MDGA2: variants seen among roughly 807,000 people sequenced by gnomAD.
MDGA2 encodes MAM domain-containing glycosylphosphatidylinositol anchor protein 2.
In MDGA2, 40 loss-of-function variants were observed where a neutral mutation model predicts 117.8. The ratio of observed to expected loss-of-function variants is 0.34; its 90% CI spans 0.26 to 0.44. The LOEUF (loss-of-function observed/expected upper bound fraction) is 0.44. Among genes scored for constraint, MDGA2 ranks in the 20% least tolerant of loss-of-function variants. The pLI is 1.00. For synonymous variants in MDGA2, 452 were observed against 439.0 expected, an observed-to-expected ratio of 1.03 and a Z score of -0.37; for missense variants, 1,123 against 1,250.6, an observed-to-expected ratio of 0.90 and a Z score of 1.54.
chr14:47,317,459 T>C (rs776971847), intron 1 of MDGA2, among the ~76,000 whole-genome samples: 1 of 152,138 alleles, frequency 6.6e-6, no homozygotes, highest in Non-Finnish European at 1.5e-5. Flanking sequence ...AATTATTTTG[T>C]ATCTTCTTGA....
intron 1 of MDGA2, among the ~76,000 whole-genome samples, chr14:47,481,496 T>C (rs1027953975): frequency 3.3e-5 from 5 of 152,014 alleles, no homozygotes; most frequent in African/African-American, 9.7e-5. Flanking sequence ...TAATGTAATG[T>C]TTCTCTGTGT....
intron 10 of MDGA2, among the ~76,000 whole-genome samples, chr14:46,896,992 T>C (rs965422536): frequency 5.3e-5 from 8 of 152,156 alleles, no homozygotes; most frequent in African/African-American, 1.9e-4. Flanking sequence ...ACTATTGAAA[T>C]AGTGATATAT....
At chr14:47,457,085 A>G (rs1893370681) in intron 1 of MDGA2, among the ~76,000 whole-genome samples, 1 of 152,188 alleles carries the variant, frequency 6.6e-6, no homozygotes, top group Non-Finnish European at 1.5e-5. Flanking sequence ...CAACACACAC[A>G]GTCAAAAGGT....
At chr14:47,124,767 TTC>T (rs1566638296) in intron 5 of MDGA2, among the ~76,000 whole-genome samples, 1 of 151,978 alleles carries the variant, frequency 6.6e-6, no homozygotes, top group Non-Finnish European at 1.5e-5. Context: ...CACTAGAGCT[TTC>T]TCTCTTTCCC....
chr14:46,991,536 T>C (rs916702979), intron 8 of MDGA2, among the ~76,000 whole-genome samples: 4 of 152,078 alleles, frequency 2.6e-5, no homozygotes, highest in Non-Finnish European at 5.9e-5. Flanking sequence ...TTTAAATTAT[T>C]TGGAAATTTT....
chr14:47,038,444 T>A (rs1888938225), intron 7 of MDGA2, among the ~76,000 whole-genome samples: 1 of 152,190 alleles, frequency 6.6e-6, no homozygotes, highest in African/African-American at 2.4e-5. Flanking sequence ...TTAAATGTTA[T>A]CATGCTAAAT....
intron 1 of MDGA2, among the ~76,000 whole-genome samples, chr14:47,306,842 G>GGAGA (rs10629208): frequency 0.015 from 2,169 of 146,680 alleles, 34 homozygotes; most frequent in South Asian, 0.052. Context: ...AGAGAAAGAG[G>GGAGA]GAGAGAGAGA....
At chr14:47,639,275 A>G (rs560003827) in intron 1 of MDGA2, among the ~76,000 whole-genome samples, 1 of 152,166 alleles carries the variant, frequency 6.6e-6, no homozygotes, top group Non-Finnish European at 1.5e-5. Flanking sequence ...ATCTTTTGAA[A>G]ATGTCATTTG....
intron 2 of MDGA2, among the ~76,000 whole-genome samples, chr14:47,228,584 T>C (rs61995427): frequency 0.26 from 39,301 of 152,054 alleles, 5,599 homozygotes; most frequent in Admixed American, 0.33. Flanking sequence ...TAAGCTAAGC[T>C]ACGATGTTCA....
intron 1 of MDGA2, among the ~76,000 whole-genome samples, chr14:47,427,341 G>A (rs779695155): frequency 6.6e-6 from 1 of 152,116 alleles, no homozygotes; most frequent in South Asian, 2.1e-4. Context: ...AATAGCAAGA[G>A]AGAACTGAGA....
chr14:47,284,545 T>C (rs1248284655), intron 2 of MDGA2, among the ~76,000 whole-genome samples: 1 of 152,144 alleles, frequency 6.6e-6, no homozygotes, highest in African/African-American at 2.4e-5. Flanking sequence ...GTCAACCTGA[T>C]ACTATTTGGT....
chr14:47,498,549 A>T (rs1044931415), intron 1 of MDGA2, among the ~76,000 whole-genome samples: 1 of 152,192 alleles, frequency 6.6e-6, no homozygotes, highest in Non-Finnish European at 1.5e-5. Context: ...TTATAGGTAC[A>T]AGAGAAATCA....
chr14:46,985,558 C>CA (rs1886830600), intron 8 of MDGA2, among the ~76,000 whole-genome samples: 1 of 151,836 alleles, frequency 6.6e-6, no homozygotes, highest in South Asian at 2.1e-4. Flanking sequence ...ACTGTGCTGT[C>CA]AAAAAGATAT....
intron 16 of MDGA2, among the ~76,000 whole-genome samples, chr14:46,844,393 A>G (rs1259996613): frequency 6.6e-6 from 1 of 152,104 alleles, no homozygotes; most frequent in Non-Finnish European, 1.5e-5. Context: ...CAGCCTGGCC[A>G]ACATGGTGAA....
chr14:46,931,465 T>C (rs1884572517), intron 9 of MDGA2, among the ~76,000 whole-genome samples: 1 of 151,834 alleles, frequency 6.6e-6, no homozygotes. Flanking sequence ...CTTTTATAAT[T>C]TTTAGTTATA....
At chr14:47,231,626 A>G (rs1886693402) in intron 2 of MDGA2, among the ~76,000 whole-genome samples, 1 of 151,950 alleles carries the variant, frequency 6.6e-6, no homozygotes, top group Non-Finnish European at 1.5e-5. Flanking sequence ...TTTTTTCCTA[A>G]TTGAAATAGC....
intron 1 of MDGA2, among the ~76,000 whole-genome samples, chr14:47,405,592 G>A (rs1892245030): frequency 6.6e-6 from 1 of 152,102 alleles, no homozygotes; most frequent in Admixed American, 6.5e-5. Context: ...GACTTTGAAG[G>A]TGCAATACTT....
intron 1 of MDGA2, among the ~76,000 whole-genome samples, chr14:47,364,784 CA>C (rs1330803699): frequency 1.3e-5 from 2 of 152,160 alleles, no homozygotes; most frequent in East Asian, 3.9e-4. Flanking sequence ...TACAGATTTC[CA>C]CTGAGGGAAT....
rs56244321 is a variant in MDGA2, at chr14:47,563,578, G to GTTTTTTTTT, written c.280+110930_280+110938dup. Among the ~76,000 whole-genome samples the GTTTTTTTTT allele has an allele frequency of 1.5e-3, 85 of 56,904 alleles. 2 individuals are homozygous for GTTTTTTTTT. Among genetic ancestry groups the GTTTTTTTTT allele is most frequent in the Non-Finnish European group, 1.9e-3 (58 of 30,942 alleles). 37.3% of individuals were successfully genotyped at this position (56,904 alleles called of 152,430 possible). On this transcript the variant is annotated intron_variant, in intron 1 of 16. Coordinates refer to ENST00000399232, the MANE Select transcript of MDGA2 (RefSeq NM_001113498.3). ...AGAATAGCAACCCCTGCTTTTTTCT[G>GTTTTTTTTT]TTTTTTTTTTTTTTTTTTTTTTTTT... is the stretch of plus-strand genomic sequence containing the variant.
Sources: gnomAD v4.1 joint callset for allele counts (sites outside exome capture counted in the v4.1 genomes callset) on GRCh38, gnomAD v4.1.1 for gene constraint, MANE v1.5 for transcripts, NCBI Gene and HGNC (gene_info 2026-07-23, HGNC 2026-07-21) for gene names.